The following KANSL1 variants were observed in gnomAD, a reference collection of about 807,000 sequenced individuals.
KANSL1 encodes the protein MLL1/MLL complex subunit KANSL1.
KANSL1 carries 22 observed loss-of-function variants against 103.6 expected under a neutral mutation model. The ratio of observed to expected loss-of-function variants is 0.21; its 90% CI spans 0.15 to 0.30. The LOEUF (loss-of-function observed/expected upper bound fraction) is 0.30, where lower values mean the gene tolerates loss of function less well. KANSL1 is among the 10% of genes least tolerant of loss of function. The pLI, the probability that KANSL1 is intolerant of heterozygous loss-of-function variation, is 1.00. For synonymous variants in KANSL1, 600 were observed against 527.6 expected (o/e 1.14, Z -1.88); for missense variants, 1,337 against 1,399.8 (o/e 0.96, Z 0.72).
Position 46,171,334 on chromosome 17 carries a change from C to A in KANSL1, c.810G>T (p.Leu270=). The A allele has an allele frequency of 6.2e-7, 1 of 1,614,150 alleles. No individual in the cohort carries two copies. Among genetic ancestry groups the A allele is most frequent in the Non-Finnish European group, 8.5e-7 (1 of 1,180,036 alleles). Residue 270 remains leucine, a synonymous_variant, in exon 2 of 15, where the codon CTG becomes CTT. Coordinates refer to ENST00000432791, the MANE Select transcript of KANSL1 (RefSeq NM_015443.4). Reference sequence around the variant, plus strand: ...CTAAAGCACTGAAAAGAATGGAAGACAGGGGAGACTTTTTACCCTCCAATT... The same window carrying A: ...CTAAAGCACTGAAAAGAATGGAAGAAAGGGGAGACTTTTTACCCTCCAATT... The part of the protein sequence containing the change: ...GVKLEGKKSP[L]SSILFSALDS...
intron 7 of KANSL1, among the ~76,000 whole-genome samples, chr17:46,048,283 T>C (rs536397301): frequency 2.0e-5 from 3 of 151,858 alleles, no homozygotes; most frequent in South Asian, 2.1e-4. Context: ...TAAAACACAA[T>C]AGGGTAGGTG....
At chr17:46,147,800 T>C (rs1045965457) in intron 2 of KANSL1, among the ~76,000 whole-genome samples, 1 of 152,232 alleles carries the variant, frequency 6.6e-6, no homozygotes, top group Non-Finnish European at 1.5e-5. Context: ...GAAGACTATA[T>C]GACGGTATTT....
At chr17:46,101,333 T>C (rs2042304158) in intron 2 of KANSL1, among the ~76,000 whole-genome samples, 1 of 152,250 alleles carries the variant, frequency 6.6e-6, no homozygotes, top group Non-Finnish European at 1.5e-5. Flanking sequence ...TTACTTACTT[T>C]ATGTGATCCT....
intron 1 of KANSL1, among the ~76,000 whole-genome samples, chr17:46,220,432 G>A (rs111831852): frequency 0.093 from 13,640 of 147,184 alleles, no homozygotes; most frequent in African/African-American, 0.35. Flanking sequence ...TAGCCAGGAT[G>A]GTCTCGATCT....
intron 2 of KANSL1, among the ~76,000 whole-genome samples, chr17:46,118,877 A>T (rs1436286011): frequency 5.3e-5 from 8 of 152,186 alleles, no homozygotes; most frequent in Non-Finnish European, 1.2e-4. Context: ...GCTAGTCCAA[A>T]TTTTCTATTC....
intron 7 of KANSL1, among the ~76,000 whole-genome samples, chr17:46,046,744 G>C (rs2077522692): frequency 6.6e-6 from 1 of 150,982 alleles, no homozygotes. Flanking sequence ...GGCTGAGGCA[G>C]GAGAATTGCT....
chr17:46,060,791 G>GGAAACC (rs2078129530), intron 6 of KANSL1, among the ~76,000 whole-genome samples: 1 of 152,238 alleles, frequency 6.6e-6, no homozygotes, highest in African/African-American at 2.4e-5. Context: ...GATGTCTACA[G>GGAAACC]GAAACCTGGT....
At chr17:46,160,214 T>G (rs2045657570) in intron 2 of KANSL1, among the ~76,000 whole-genome samples, 1 of 152,130 alleles carries the variant, frequency 6.6e-6, no homozygotes, top group Non-Finnish European at 1.5e-5. Flanking sequence ...AAATACTAAT[T>G]CCTTTCTTTT....
At chr17:46,211,404 T>TA (rs1170447693) in intron 1 of KANSL1, among the ~76,000 whole-genome samples, 3 of 152,038 alleles carry the variant, frequency 2.0e-5, no homozygotes, top group South Asian at 2.1e-4. Context: ...AAGAAAATCT[T>TA]AAAAAAAATC....
At chr17:46,105,862 C>A (rs1451376058) in intron 2 of KANSL1, among the ~76,000 whole-genome samples, 2 of 141,124 alleles carry the variant, frequency 1.4e-5, no homozygotes, top group African/African-American at 2.7e-5. Context: ...CACAGCAAGA[C>A]CTTCACACAC....
At chr17:46,189,119 AG>A (rs2047183844) in intron 1 of KANSL1, among the ~76,000 whole-genome samples, 1 of 149,874 alleles carries the variant, frequency 6.7e-6, no homozygotes, top group African/African-American at 2.5e-5. Flanking sequence ...AGGCTAAGGC[AG>A]GAAGATCACT....
chr17:46,085,112 G>A (rs2079117715), intron 3 of KANSL1, among the ~76,000 whole-genome samples: 1 of 152,034 alleles, frequency 6.6e-6, no homozygotes, highest in Non-Finnish European at 1.5e-5. Flanking sequence ...ATTTGTTAGT[G>A]TTATACCAAT....
At chr17:46,032,339 G>A (rs754725774) in intron 13 of KANSL1, 40 bp from the exon 14 acceptor site, 2 of 1,487,726 alleles carry the variant, frequency 1.3e-6, no homozygotes, top group Non-Finnish European at 1.8e-6. Flanking sequence ...CCTGGGAAAT[G>A]TTTACTTATG....
intron 2 of KANSL1, among the ~76,000 whole-genome samples, chr17:46,134,895 G>A (rs2044048304): frequency 6.6e-6 from 1 of 152,126 alleles, no homozygotes; most frequent in South Asian, 2.1e-4. Context: ...TAGGAAAGAG[G>A]AGGATGTTGA....
chr17:46,082,671 AC>A (rs2079028691), intron 3 of KANSL1, 129 bp from the exon 4 acceptor site: 1 of 490,506 alleles, frequency 2.0e-6, no homozygotes, highest in East Asian at 3.2e-5. Flanking sequence ...TGGTTCAGAA[AC>A]AAACTACAGC....
At chr17:46,120,824 C>T (rs905239071) in intron 2 of KANSL1, among the ~76,000 whole-genome samples, 3 of 152,070 alleles carry the variant, frequency 2.0e-5, no homozygotes, top group African/African-American at 7.3e-5. Flanking sequence ...ATGTACTTAC[C>T]ACGAAATTTT....
chr17:46,154,732 G>T (rs1225140778), intron 2 of KANSL1, among the ~76,000 whole-genome samples: 1 of 152,200 alleles, frequency 6.6e-6, no homozygotes, highest in Non-Finnish European at 1.5e-5. Flanking sequence ...CTTAGAGCTG[G>T]GACAAAGAAA....
intron 4 of KANSL1, among the ~76,000 whole-genome samples, chr17:46,080,658 C>T (rs1010058267): frequency 5.3e-5 from 8 of 152,032 alleles, no homozygotes; most frequent in Admixed American, 3.9e-4. Context: ...TGCTCTGCGC[C>T]CATTCTACTA....
chr17:46,150,538 G>A (rs2045034115), intron 2 of KANSL1, among the ~76,000 whole-genome samples: 1 of 152,186 alleles, frequency 6.6e-6, no homozygotes, highest in Non-Finnish European at 1.5e-5. Context: ...AAAAAAACAG[G>A]TATTATTGTT....
Sources: allele counts gnomAD v4.1 joint callset (sites outside exome capture counted in the v4.1 genomes callset), GRCh38; gene constraint gnomAD v4.1.1; transcripts MANE v1.5; gene names NCBI Gene and HGNC (gene_info 2026-07-23, HGNC 2026-07-21).